The following CSMD1 variants were observed in gnomAD, a reference collection of about 807,000 sequenced individuals.
CSMD1 encodes the protein CUB and Sushi multiple domains 1.
In CSMD1, 213 loss-of-function variants were observed where a neutral mutation model predicts 417.5. That is an observed-to-expected ratio of 0.51 (90% CI 0.46 to 0.57). CSMD1 has a LOEUF of 0.57. Among genes scored for constraint, CSMD1 ranks in the 20% least tolerant of loss-of-function variants. The probability of loss-of-function intolerance (pLI) is 0.00; values close to 1 mark genes in which losing one functional copy is unlikely to be tolerated. For missense variants in CSMD1, 6,923 were observed against 4,529.7 expected (o/e 1.53, Z -15.17); for synonymous variants, 2,862 against 1,736.8 (o/e 1.65, Z -16.11).
chr8:3,727,549 A>T (rs1320367455), intron 6 of CSMD1, among the ~76,000 whole-genome samples: 2 of 152,232 alleles, frequency 1.3e-5, no homozygotes, highest in Non-Finnish European at 2.9e-5. Context: ...GTGAAAAAAC[A>T]GTATGGAAGT....
At chr8:3,664,556 A>C (rs1041914773) in intron 7 of CSMD1, among the ~76,000 whole-genome samples, 6 of 152,184 alleles carry the variant, frequency 3.9e-5, no homozygotes, top group Admixed American at 3.9e-4. Flanking sequence ...GTGTTTCCTC[A>C]TGAGAGAAAA....
intron 1 of CSMD1, among the ~76,000 whole-genome samples, chr8:4,695,868 C>T (rs1807093418): frequency 6.6e-6 from 1 of 152,200 alleles, no homozygotes; most frequent in Non-Finnish European, 1.5e-5. Flanking sequence ...TGGCCCACCA[C>T]TCTTTTGAAC....
chr8:3,984,351 G>T (rs950525785), intron 5 of CSMD1, among the ~76,000 whole-genome samples: 8 of 152,118 alleles, frequency 5.3e-5, no homozygotes, highest in Non-Finnish European at 1.0e-4. Flanking sequence ...AAATGCTGAC[G>T]ACAGATCATG....
chr8:3,556,850 CT>C (rs745902744), intron 10 of CSMD1, among the ~76,000 whole-genome samples: 3,869 of 152,194 alleles, frequency 0.025, 176 homozygotes, highest in African/African-American at 0.087. Context: ...GGCTTACCCC[CT>C]CTGGACAGAT....
chr8:4,327,955 G>A (rs934951926), intron 3 of CSMD1, among the ~76,000 whole-genome samples: 1 of 152,112 alleles, frequency 6.6e-6, no homozygotes, highest in Non-Finnish European at 1.5e-5. Flanking sequence ...CTGTGATCTA[G>A]AAGTTGAATG....
At chr8:4,610,140 G>T (rs1425946488) in intron 2 of CSMD1, among the ~76,000 whole-genome samples, 2 of 147,262 alleles carry the variant, frequency 1.4e-5, no homozygotes, top group African/African-American at 5.0e-5. Flanking sequence ...AGACTAATAG[G>T]TTATGAACAC....
In CSMD1 at chr8:3,764,600, G is replaced by C. The variant is rs201641061; in HGVS notation, c.819-10558C>G. Among the ~76,000 whole-genome samples, 20 of 152,200 alleles carry C rather than the reference G, an allele frequency of 1.3e-4. No homozygotes were observed. The East Asian group carries it at 3.7e-3, about 28-fold the overall frequency. ...GGATTTAAACTTCTCTTGGATGGCA[G>C]TTTCCTTGGAGATGTGATATCCACA... On this transcript the variant is annotated intron_variant, in intron 5 of 69. Coordinates refer to ENST00000635120, the MANE Select transcript of CSMD1 (RefSeq NM_033225.6).
intron 3 of CSMD1, among the ~76,000 whole-genome samples, chr8:4,262,588 A>G (rs1029417708): frequency 9.9e-5 from 15 of 151,840 alleles, no homozygotes; most frequent in Admixed American, 5.3e-4. Context: ...CTCAGCTCCA[A>G]CTCCTTATCT....
At chr8:3,271,458 T>A (rs1801848622) in intron 26 of CSMD1, among the ~76,000 whole-genome samples, 1 of 149,872 alleles carries the variant, frequency 6.7e-6, no homozygotes, top group African/African-American at 2.5e-5. Context: ...ATGGGATGGC[T>A]GGGTCAAATG....
chr8:4,613,969 A>T (rs548406596), intron 2 of CSMD1, among the ~76,000 whole-genome samples: 3 of 152,094 alleles, frequency 2.0e-5, no homozygotes, highest in African/African-American at 7.2e-5. Context: ...ATTGTTAGGA[A>T]TCTTCATGGA....
chr8:3,647,869 G>A (rs1291345293), intron 7 of CSMD1, among the ~76,000 whole-genome samples: 1 of 152,236 alleles, frequency 6.6e-6, no homozygotes, highest in Non-Finnish European at 1.5e-5. Flanking sequence ...AACTATTCTT[G>A]TAACTGTTCT....
intron 35 of CSMD1, 89 bp downstream of exon 35, chr8:3,188,798 G>A (rs904556067): frequency 9.5e-6 from 11 of 1,162,222 alleles, no homozygotes; most frequent in Non-Finnish European, 1.1e-5. Context: ...AGAGAGAGAT[G>A]GAAAGAAACA....
chr8:3,611,773 T>C (rs1801905764), intron 8 of CSMD1, among the ~76,000 whole-genome samples: 1 of 152,130 alleles, frequency 6.6e-6, no homozygotes, highest in Non-Finnish European at 1.5e-5. Flanking sequence ...AAAGAACTCA[T>C]AACTCGATGA....
chr8:4,471,972 G>A (rs771666743), intron 2 of CSMD1, among the ~76,000 whole-genome samples: 274 of 152,214 alleles, frequency 1.8e-3, no homozygotes, highest in Non-Finnish European at 3.4e-3. Flanking sequence ...AGCCTTCTAA[G>A]CGATACGTAT....
At chr8:4,800,075 T>C (rs930511804) in intron 1 of CSMD1, among the ~76,000 whole-genome samples, 4 of 152,182 alleles carry the variant, frequency 2.6e-5, no homozygotes, top group Non-Finnish European at 5.9e-5. Context: ...TGATATAAAA[T>C]TGAATATCCT....
chr8:3,746,751 AG>A (rs1215553674), intron 6 of CSMD1, among the ~76,000 whole-genome samples: 1 of 152,214 alleles, frequency 6.6e-6, no homozygotes, highest in East Asian at 1.9e-4. Context: ...CCAGATACCC[AG>A]AAGCTGTTCA....
chr8:4,056,242 T>C (rs982952341), intron 3 of CSMD1, among the ~76,000 whole-genome samples: 6 of 151,878 alleles, frequency 4.0e-5, no homozygotes, highest in African/African-American at 1.4e-4. Flanking sequence ...CTCCCACTCC[T>C]GGCTAATTTT....
At chr8:4,875,038 C>G (rs572636036) in intron 1 of CSMD1, among the ~76,000 whole-genome samples, 11 of 151,586 alleles carry the variant, frequency 7.3e-5, no homozygotes, top group African/African-American at 2.7e-4. Context: ...CTCTCTCCCT[C>G]TCTGTCTTTC....
intron 26 of CSMD1, among the ~76,000 whole-genome samples, chr8:3,248,909 T>G (rs750618229): frequency 6.6e-6 from 1 of 152,124 alleles, no homozygotes; most frequent in Admixed American, 6.6e-5. Flanking sequence ...AAATGCTGTT[T>G]AGAGGCTCCC....
Sources: gnomAD v4.1 joint callset for allele counts (sites outside exome capture counted in the v4.1 genomes callset) on GRCh38, gnomAD v4.1.1 for gene constraint, MANE v1.5 for transcripts, NCBI Gene and HGNC (gene_info 2026-07-23, HGNC 2026-07-21) for gene names.